The following BCAS3 variants were observed in gnomAD, a reference collection of about 807,000 sequenced individuals.
BCAS3 encodes the protein BCAS3 microtubule associated cell migration factor.
Under a neutral mutation model 116.1 loss-of-function variants are expected in BCAS3, and 53 were observed. That is an observed-to-expected ratio of 0.46 (90% CI 0.37 to 0.57). BCAS3 has a LOEUF of 0.57. BCAS3 is among the 20% of genes least tolerant of loss of function. The probability of loss-of-function intolerance (pLI) is 0.00; values close to 1 mark genes in which losing one functional copy is unlikely to be tolerated. For synonymous variants in BCAS3, 391 were observed against 408.2 expected, an observed-to-expected ratio of 0.96 and a Z score of 0.51; for missense variants, 917 against 1,165.4, an observed-to-expected ratio of 0.79 and a Z score of 3.10.
chr17:60,824,612 A>G (rs73318640), intron 7 of BCAS3, among the ~76,000 whole-genome samples: 47,508 of 152,152 alleles, frequency 0.31, 12,567 homozygotes, highest in African/African-American at 0.73. Flanking sequence ...TCTGTCACCA[A>G]TAGATCCATT....
Position 61,162,735 on chromosome 17 carries a change from T to G in BCAS3, c.2425+78171T>G, listed in dbSNP as rs1185238261. 1.3e-5 allele frequency among the ~76,000 whole-genome samples: 2 copies of G among 152,174 alleles called. No individual in the cohort carries two copies. Among genetic ancestry groups the G allele is most frequent in the Non-Finnish European group, 2.9e-5 (2 of 68,036 alleles). On this transcript the variant is annotated intron_variant, in intron 22 of 23. Coordinates refer to ENST00000407086, the MANE Select transcript of BCAS3 (RefSeq NM_017679.5). The surrounding 1 kb of genome is among the most constrained non-coding windows in gnomAD (Gnocchi z 5.6). The stretch of plus-strand genomic sequence containing the variant: ...AAACTGATTCCATGTCATAATGCCC[T>G]CCTTGGGGAGGAGCAACGTCTCCAG...
chr17:61,030,578 C>T (rs768499902), intron 16 of BCAS3, among the ~76,000 whole-genome samples: 25 of 151,958 alleles, frequency 1.6e-4, no homozygotes, highest in East Asian at 3.8e-4. Flanking sequence ...AAATGATTCT[C>T]GTTCTATGGT....
intron 5 of BCAS3, among the ~76,000 whole-genome samples, chr17:60,723,037 G>A (rs549500775): frequency 6.6e-6 from 1 of 152,164 alleles, no homozygotes; most frequent in East Asian, 1.9e-4. Flanking sequence ...GACACAGCAA[G>A]ACCCTATTTC....
intron 18 of BCAS3, among the ~76,000 whole-genome samples, chr17:61,040,551 G>A (rs1028940339): frequency 1.3e-5 from 2 of 152,126 alleles, no homozygotes; most frequent in Non-Finnish European, 1.5e-5. Flanking sequence ...AGGGTCTTCT[G>A]CTGTTAAGCT....
At chr17:60,989,946 G>C (rs371977401) in intron 14 of BCAS3, 25 bp from the exon 15 acceptor site, 2 of 1,601,114 alleles carry the variant, frequency 1.2e-6, no homozygotes, top group South Asian at 1.1e-5. Context: ...AGACATTTTT[G>C]TATCTTTTCT....
intron 7 of BCAS3, among the ~76,000 whole-genome samples, chr17:60,864,980 TG>T (rs1231399656): frequency 6.6e-6 from 1 of 152,210 alleles, no homozygotes; most frequent in Non-Finnish European, 1.5e-5. Context: ...CCGTCTTCTA[TG>T]GGTCCAGTAT....
intron 22 of BCAS3, among the ~76,000 whole-genome samples, chr17:61,266,289 AG>A (rs2049704344): frequency 6.6e-6 from 1 of 152,210 alleles, no homozygotes; most frequent in Admixed American, 6.5e-5. Context: ...CAATAGGTAA[AG>A]GAGACAAATG....
chr17:60,756,271 A>G (rs12943499), intron 6 of BCAS3, among the ~76,000 whole-genome samples: 111,534 of 151,736 alleles, frequency 0.74, 46,852 homozygotes, highest in South Asian at 0.99. Flanking sequence ...CCACTTACCT[A>G]ACAGGAGGTG....
At chr17:60,854,890 CTG>C (rs1415602001) in intron 7 of BCAS3, among the ~76,000 whole-genome samples, 1 of 150,822 alleles carries the variant, frequency 6.6e-6, no homozygotes, top group Non-Finnish European at 1.5e-5. Flanking sequence ...GATTAACAAA[CTG>C]TGGTATATTC....
chr17:60,877,605 T>TTAG (rs2055733988), intron 9 of BCAS3, among the ~76,000 whole-genome samples: 1 of 152,210 alleles, frequency 6.6e-6, no homozygotes, highest in Admixed American at 6.5e-5. Context: ...TGTTAAAGCA[T>TTAG]TAGTCTCTTT....
rs2144378364 is a variant in BCAS3 at position 61,220,259 on chromosome 17, A to C, written c.2425+135695A>C. Among the ~76,000 whole-genome samples the C allele has an allele frequency of 6.6e-6, 1 of 151,982 alleles. No homozygotes were observed. Among genetic ancestry groups the C allele is most frequent in the Non-Finnish European group, 1.5e-5 (1 of 67,996 alleles). ...CAGTGAGCCAAGATTGTGCCACTGCACTTCAGCCTGGGCAACAGAGTGAGA... is the reference window on the plus strand; with the variant it reads ...CAGTGAGCCAAGATTGTGCCACTGCCCTTCAGCCTGGGCAACAGAGTGAGA... On this transcript the variant is annotated intron_variant, in intron 22 of 23. Coordinates refer to ENST00000407086, the MANE Select transcript of BCAS3 (RefSeq NM_017679.5). This position sits in a 1 kb window ranked among gnomAD's most constrained non-coding sequence, Gnocchi z 4.5.
chr17:61,310,834 T>TTA (rs1387156905), intron 22 of BCAS3, among the ~76,000 whole-genome samples: 10 of 152,038 alleles, frequency 6.6e-5, no homozygotes, highest in Non-Finnish European at 5.9e-5. Flanking sequence ...TTGGCCTGTG[T>TTA]GTGTAGGGGA....
At position 61,251,857 on chromosome 17, in the gene BCAS3, G is replaced by A. The variant is rs926725295; in HGVS notation, c.2426-116470G>A. On this transcript the variant is annotated intron_variant, in intron 22 of 23. Transcript: ENST00000407086. The surrounding 1 kb of genome is among the most constrained non-coding windows in gnomAD (Gnocchi z 4.7). ...CATTTTCAGGAACAAGTGTTTTATAGTGAGGTGGAGGTTGTAAAGAAGCTC... is the reference window on the plus strand; with the variant it reads ...CATTTTCAGGAACAAGTGTTTTATAATGAGGTGGAGGTTGTAAAGAAGCTC... Among the ~76,000 whole-genome samples, 1 of 152,222 alleles carries A rather than the reference G, an allele frequency of 6.6e-6. No homozygotes were observed. The highest frequency in any genetic ancestry group is 6.5e-5 in the Admixed American group (1 of 15,286).
rs11449964 is a variant in BCAS3, at chr17:61,133,859, C to CAAAA, written c.2425+49315_2425+49318dup. Among the ~76,000 whole-genome samples, 779 of 81,236 alleles carry CAAAA rather than the reference C, an allele frequency of 9.6e-3. 4 individuals are homozygous for CAAAA. Among genetic ancestry groups the CAAAA allele is most frequent in the Non-Finnish European group, 0.015 (638 of 43,124 alleles). 53.3% of individuals were successfully genotyped at this position (81,236 alleles called of 152,430 possible). A position where few individuals can be genotyped will look rare whatever the true frequency, so the allele number is the denominator to read the frequency against. ...ATTGGCCTGCAACTGCCTGGAATCTCAAAAAAAAAAAAAAAAAAAAAAAGG... is the reference window on the plus strand; with the variant it reads ...ATTGGCCTGCAACTGCCTGGAATCTCAAAAAAAAAAAAAAAAAAAAAAAAAAAGG... On this transcript the variant is annotated intron_variant, in intron 22 of 23. Transcript: ENST00000407086.
chr17:60,963,799 C>A (rs2061529336), intron 14 of BCAS3, among the ~76,000 whole-genome samples: 1 of 152,202 alleles, frequency 6.6e-6, no homozygotes, highest in African/African-American at 2.4e-5. Flanking sequence ...TCATGATCCA[C>A]CCGCCTCGGC....
rs1425947007 is a variant in BCAS3 at position 61,098,969 on chromosome 17, G to A, written c.2425+14405G>A. On this transcript the variant is annotated intron_variant, in intron 22 of 23. Coordinates refer to ENST00000407086, the MANE Select transcript of BCAS3 (RefSeq NM_017679.5). This position sits in a 1 kb window ranked among gnomAD's most constrained non-coding sequence, Gnocchi z 4.2. ...GAAACCCCATCTCTACTAAAAATAC[G>A]AAAAATTAGCCGGGCATGGTGGCGC... Among the ~76,000 whole-genome samples the A allele has an allele frequency of 3.3e-5, 5 of 151,796 alleles. No individual in the cohort carries two copies. Among genetic ancestry groups the A allele is most frequent in the Non-Finnish European group, 4.4e-5 (3 of 67,926 alleles).
At chr17:61,197,992 T>C (rs1193325216) in intron 22 of BCAS3, among the ~76,000 whole-genome samples, 1 of 152,176 alleles carries the variant, frequency 6.6e-6, no homozygotes, top group Non-Finnish European at 1.5e-5. Flanking sequence ...CATCTATCTA[T>C]ATAGTAATGA....
chr17:61,240,856 C>G (rs890529395), intron 22 of BCAS3, among the ~76,000 whole-genome samples: 1 of 152,176 alleles, frequency 6.6e-6, no homozygotes, highest in African/African-American at 2.4e-5. Flanking sequence ...TTAACTAAAA[C>G]TTTCTTCCCG....
At chr17:61,291,919 G>C (rs1474802475) in intron 22 of BCAS3, among the ~76,000 whole-genome samples, 1 of 152,140 alleles carries the variant, frequency 6.6e-6, no homozygotes, top group Non-Finnish European at 1.5e-5. Flanking sequence ...AAGGCATGTA[G>C]GGTGAGGAGG....
Sources: gnomAD v4.1 joint callset for allele counts (sites outside exome capture counted in the v4.1 genomes callset) on GRCh38, gnomAD v4.1.1 for gene constraint, Gnocchi (gnomAD v3.1) non-coding constraint, MANE v1.5 for transcripts, NCBI Gene and HGNC (gene_info 2026-07-23, HGNC 2026-07-21) for gene names.